The following PDE3B variants were observed in gnomAD, a reference collection of about 807,000 sequenced individuals.
The protein encoded by PDE3B is phosphodiesterase 3B, also known as cGMP-inhibited 3',5'-cyclic phosphodiesterase 3B.
Under a neutral mutation model 116.8 loss-of-function variants are expected in PDE3B, and 66 were observed. The observed-to-expected ratio is 0.56, with a 90% CI of 0.46 to 0.69. PDE3B has a LOEUF of 0.69. PDE3B is among the 30% of genes least tolerant of loss of function. PDE3B has a pLI of 0.00. For synonymous variants in PDE3B, 595 were observed against 533.6 expected (o/e 1.12, Z -1.59); for missense variants, 1,384 against 1,368.1 (o/e 1.01, Z -0.18).
At chr11:14,771,860 G>T in intron 1 of PDE3B, 77 bp from the exon 2 acceptor site, 2 of 557,790 alleles carry the variant, frequency 3.6e-6, no homozygotes, top group South Asian at 4.1e-5. Flanking sequence ...AATTATAATT[G>T]AAAATGCTGA....
chr11:14,830,865 A>G lies in PDE3B; in HGVS notation c.1956+19A>G, dbSNP rs1374122931. On this transcript the variant is annotated intron_variant, in intron 8 of 15. Transcript: ENST00000282096. The stretch of plus-strand genomic sequence containing the variant: ...AACAAATGTAAAAGATAAACTTTCA[A>G]TATGATTATGTTAAGGTGAAATATA... 1 of 1,468,600 alleles carries G rather than the reference A, an allele frequency of 6.8e-7. No individual in the cohort carries two copies. Among genetic ancestry groups the G allele is most frequent in the Non-Finnish European group, 9.0e-7 (1 of 1,107,968 alleles). The allele number at this position is 1,468,600 out of a possible 1,614,324, so 91.0% of individuals were successfully genotyped here. A position where few individuals can be genotyped will look rare whatever the true frequency, so the allele number is the denominator to read the frequency against.
At chr11:14,781,562 C>G (rs958105339) in intron 2 of PDE3B, among the ~76,000 whole-genome samples, 3 of 152,312 alleles carry the variant, frequency 2.0e-5, no homozygotes, top group Non-Finnish European at 4.4e-5. Flanking sequence ...ACAAAAACCA[C>G]ATGATTATCT....
intron 15 of PDE3B, among the ~76,000 whole-genome samples, chr11:14,868,863 A>G (rs1555008525): frequency 6.6e-6 from 1 of 152,116 alleles, no homozygotes; most frequent in African/African-American, 2.4e-5. Context: ...TCTACTAAAA[A>G]TACAAAAATA....
At chr11:14,747,528 C>G (rs1856943417) in intron 1 of PDE3B, among the ~76,000 whole-genome samples, 1 of 152,204 alleles carries the variant, frequency 6.6e-6, no homozygotes, top group Non-Finnish European at 1.5e-5. Flanking sequence ...TAAACAGAAT[C>G]TGTTATTCAT....
the PDE3B span, chr11:14,891,749 C>G: frequency 7.4e-7 from 1 of 1,358,370 alleles, no homozygotes; most frequent in East Asian, 3.0e-5. Flanking sequence ...GCCTCGGAGC[C>G]TCGGCCCGGA....
At chr11:14,895,481 G>A in the PDE3B span, among the ~76,000 whole-genome samples, 8 of 152,172 alleles carry the variant, frequency 5.3e-5, no homozygotes, top group Non-Finnish European at 1.2e-4. Context: ...CTGTTCCCAA[G>A]GTGAATTTCT....
chr11:14,745,382 TATTG>T (rs1340765054), intron 1 of PDE3B, among the ~76,000 whole-genome samples: 9 of 152,180 alleles, frequency 5.9e-5, no homozygotes, highest in Non-Finnish European at 1.3e-4. Flanking sequence ...GATCTAACTA[TATTG>T]ATTAAGTTAT....
chr11:14,824,730 ACTT>A (rs1859633907), intron 7 of PDE3B, among the ~76,000 whole-genome samples: 2 of 152,216 alleles, frequency 1.3e-5, no homozygotes, highest in Non-Finnish European at 2.9e-5. Context: ...ATCCATGAAA[ACTT>A]CCCCAGCCTT....
chr11:14,728,124 G>T (rs1856364217), intron 1 of PDE3B, among the ~76,000 whole-genome samples: 1 of 151,992 alleles, frequency 6.6e-6, no homozygotes, highest in South Asian at 2.1e-4. Context: ...TAAATAATAT[G>T]ATTAGCTGGC....
At chr11:14,858,652 T>C (rs375288254) in intron 12 of PDE3B, among the ~76,000 whole-genome samples, 3 of 152,186 alleles carry the variant, frequency 2.0e-5, no homozygotes, top group East Asian at 3.9e-4. Flanking sequence ...CAGAAATGTA[T>C]TCTGAAACCT....
intron 2 of PDE3B, among the ~76,000 whole-genome samples, chr11:14,779,677 A>G (rs1016731463): frequency 5.3e-5 from 8 of 152,208 alleles, no homozygotes; most frequent in Non-Finnish European, 1.2e-4. Context: ...AGCACTAAAC[A>G]TGGAAAGGAA....
At chr11:14,839,518 C>CT (rs1860158044) in intron 11 of PDE3B, among the ~76,000 whole-genome samples, 1 of 152,210 alleles carries the variant, frequency 6.6e-6, no homozygotes, top group Admixed American at 6.5e-5. Context: ...GGTGGTTACT[C>CT]TAGTTGCTAC....
chr11:14,686,186 A>T (rs1016246097), intron 1 of PDE3B, among the ~76,000 whole-genome samples: 5 of 152,098 alleles, frequency 3.3e-5, no homozygotes, highest in African/African-American at 4.8e-5. Flanking sequence ...AAATTTAAAA[A>T]TTTTTTTACG....
At chr11:14,861,079 T>C (rs2133991051) in intron 13 of PDE3B, 126 bp from the exon 14 acceptor site, 1 of 646,454 alleles carries the variant, frequency 1.5e-6, no homozygotes, top group Non-Finnish European at 2.6e-6. Context: ...AAAAGAACTA[T>C]TTGCTGAAAT....
At chr11:14,726,501 A>G (rs979130593) in intron 1 of PDE3B, among the ~76,000 whole-genome samples, 1 of 152,172 alleles carries the variant, frequency 6.6e-6, no homozygotes, top group Non-Finnish European at 1.5e-5. Flanking sequence ...ATAAATGGTC[A>G]TTTACACTGT....
intron 4 of PDE3B, among the ~76,000 whole-genome samples, chr11:14,793,778 G>A (rs1041873081): frequency 6.6e-6 from 1 of 152,138 alleles, no homozygotes; most frequent in African/African-American, 2.4e-5. Flanking sequence ...CACCGCTACT[G>A]TGTAATGAAA....
At chr11:14,797,407 A>G (rs762917161) in intron 4 of PDE3B, among the ~76,000 whole-genome samples, 13 of 151,726 alleles carry the variant, frequency 8.6e-5, no homozygotes, top group African/African-American at 1.5e-4. Context: ...TGTCTTGGCT[A>G]TGAGGGATCT....
chr11:14,650,797 C>T (rs900243760), intron 1 of PDE3B, among the ~76,000 whole-genome samples: 1 of 151,888 alleles, frequency 6.6e-6, no homozygotes, highest in East Asian at 1.9e-4. Context: ...GACCCTGAGC[C>T]AAGGAAAGCA....
At position 14,702,035 on chromosome 11, in the gene PDE3B, G is replaced by A. The variant is rs1173778858; in HGVS notation, c.978+56982G>A. On this transcript the variant is annotated intron_variant, in intron 1 of 15. Coordinates refer to ENST00000282096, the MANE Select transcript of PDE3B (RefSeq NM_000922.4). ...CTTCCCTTTTTTTGATTCTTTCTGG[G>A]CTTCCTGTTAGTTGAAAATTCTGTT... Among the ~76,000 whole-genome samples, 5 of 150,224 alleles carry A rather than the reference G, an allele frequency of 3.3e-5. No homozygotes were observed. In the East Asian group the frequency reaches 7.8e-4, roughly 23 times the overall value.
Sources: allele counts gnomAD v4.1 joint callset (sites outside exome capture counted in the v4.1 genomes callset), GRCh38; gene constraint gnomAD v4.1.1; transcripts MANE v1.5; gene names NCBI Gene and HGNC (gene_info 2026-07-23, HGNC 2026-07-21).